The following CA10 variants were observed in gnomAD, a reference collection of about 807,000 sequenced individuals.
CA10 encodes carbonic anhydrase-related protein 10.
A neutral mutation model predicts 44.2 loss-of-function variants in CA10; 14 were observed. The observed-to-expected ratio is 0.32, with a 90% CI of 0.21 to 0.50. The LOEUF (loss-of-function observed/expected upper bound fraction) is 0.50. CA10 is among the 20% of genes least tolerant of loss of function. CA10 has a pLI of 0.99. For synonymous variants in CA10, 159 were observed against 141.6 expected, an observed-to-expected ratio of 1.12 and a Z score of -0.87; for missense variants, 350 against 409.7, an observed-to-expected ratio of 0.85 and a Z score of 1.26.
rs137856218 is a variant in CA10, at chr17:51,845,286, G to A, written c.279+85704C>T. 6.6e-5 allele frequency among the ~76,000 whole-genome samples: 10 copies of A among 152,330 alleles called. No homozygotes were observed. The East Asian group carries it at 1.5e-3, about 24-fold the overall frequency. On this transcript the variant is annotated intron_variant, in intron 3 of 8. Transcript: ENST00000451037. ...TCAAAGACTGTGATATAAAGGCACT[G>A]CGGCTTTCTCTGTGCTCACTCTCTC...
intron 2 of CA10, among the ~76,000 whole-genome samples, chr17:52,052,590 TGAG>T (rs1987108783): frequency 1.3e-5 from 2 of 152,226 alleles, no homozygotes; most frequent in East Asian, 3.9e-4. Flanking sequence ...CCAGGAATTT[TGAG>T]GAGTTTTCAG....
At chr17:51,930,811 G>T (rs746969558) in intron 3 of CA10, among the ~76,000 whole-genome samples, 179 bp downstream of exon 3, 39 of 152,074 alleles carry the variant, frequency 2.6e-4, no homozygotes, top group Non-Finnish European at 3.7e-4. Flanking sequence ...AGTTTGACTA[G>T]TTAGGGAGAA....
At chr17:52,064,703 T>C (rs1350700114) in intron 2 of CA10, among the ~76,000 whole-genome samples, 1 of 152,082 alleles carries the variant, frequency 6.6e-6, no homozygotes, top group Non-Finnish European at 1.5e-5. Context: ...GGATGGAAAA[T>C]AGCAAGCTGG....
chr17:51,721,132 C>T (rs958063624), intron 4 of CA10, among the ~76,000 whole-genome samples: 11 of 151,970 alleles, frequency 7.2e-5, no homozygotes, highest in Admixed American at 6.6e-5. Flanking sequence ...GAGTTTGAGA[C>T]CAGCCTGGCC....
chr17:52,074,036 C>T (rs1256375605), intron 1 of CA10, among the ~76,000 whole-genome samples: 3 of 152,270 alleles, frequency 2.0e-5, no homozygotes, highest in South Asian at 2.1e-4. Context: ...TCTGATTCTT[C>T]CTCTGGGTCT....
intron 4 of CA10, among the ~76,000 whole-genome samples, chr17:51,670,038 G>A (rs532301077): frequency 9.9e-5 from 15 of 152,270 alleles, no homozygotes; most frequent in African/African-American, 3.6e-4. Context: ...CCTTTCACTT[G>A]GTTCTCATGC....
intron 1 of CA10, among the ~76,000 whole-genome samples, chr17:52,101,510 C>T (rs1167639522): frequency 6.6e-6 from 1 of 152,196 alleles, no homozygotes; most frequent in Non-Finnish European, 1.5e-5. Flanking sequence ...AAGGAGCATA[C>T]AGCTTTTGGA....
intron 4 of CA10, among the ~76,000 whole-genome samples, chr17:51,729,983 AG>A (rs1249809870): frequency 1.3e-5 from 2 of 152,238 alleles, no homozygotes; most frequent in African/African-American, 4.8e-5. Context: ...AAACTGAGGC[AG>A]GGAGTGGTAA....
In CA10 at chr17:51,890,577, C is replaced by T. The variant is rs552279692; in HGVS notation, c.279+40413G>A. 1.2e-3 allele frequency among the ~76,000 whole-genome samples: 189 copies of T among 152,166 alleles called. 4 individuals carry two copies. In the South Asian group the frequency reaches 0.022, roughly 18 times the overall value. ...ATGGTGTACCTGTAGCTTTTAGTTACCACACATCTCTTTGAGAAGTAGTCA... is the reference window on the plus strand; with the variant it reads ...ATGGTGTACCTGTAGCTTTTAGTTATCACACATCTCTTTGAGAAGTAGTCA... On this transcript the variant is annotated intron_variant, in intron 3 of 8. Coordinates refer to ENST00000451037, the MANE Select transcript of CA10 (RefSeq NM_020178.5).
chr17:51,786,317 T>C (rs1906281310), intron 3 of CA10, among the ~76,000 whole-genome samples: 1 of 151,984 alleles, frequency 6.6e-6, no homozygotes, highest in South Asian at 2.1e-4. Flanking sequence ...TTTGGGAGGC[T>C]GAGGCAGGCA....
chr17:52,074,843 A>G (rs1987776365), intron 1 of CA10, among the ~76,000 whole-genome samples: 1 of 152,176 alleles, frequency 6.6e-6, no homozygotes, highest in African/African-American at 2.4e-5. Flanking sequence ...TGTACTGCAC[A>G]AGAGCTAAAA....
intron 4 of CA10, among the ~76,000 whole-genome samples, chr17:51,668,416 T>C (rs7211403): frequency 0.025 from 3,806 of 152,344 alleles, 159 homozygotes; most frequent in African/African-American, 0.086. Context: ...ATAGCCCTTC[T>C]GTGAATTAGG....
At chr17:51,634,807 C>G (rs1023508518) in intron 7 of CA10, among the ~76,000 whole-genome samples, 2 of 152,228 alleles carry the variant, frequency 1.3e-5, no homozygotes, top group African/African-American at 2.4e-5. Context: ...ACAATGGAAT[C>G]TATTTAACTT....
Position 52,157,785 on chromosome 17 carries a change from A to ATCC in CA10, c.-2_1dup (p.Lys1_?0), listed in dbSNP as rs1167414041. The ATCC allele has an allele frequency of 1.2e-6, 2 of 1,613,616 alleles. No individual in the cohort carries two copies. The highest frequency in any genetic ancestry group is 1.1e-5 in the South Asian group (1 of 91,068). ...AAAAAGCACCTCCCAGACTATTTCC[A>ATCC]TCCTCTGATTCTCATTCCAAGTGCA... On this transcript the variant is annotated start_lost and start_retained_variant, in exon 1 of 9. Transcript: ENST00000451037.
intron 2 of CA10, among the ~76,000 whole-genome samples, chr17:51,995,823 G>A (rs532239855): frequency 6.6e-6 from 1 of 151,970 alleles, no homozygotes; most frequent in South Asian, 2.1e-4. Context: ...ACCTAACTGG[G>A]CCAGCTTTTG....
At chr17:51,790,124 G>A (rs1906457476) in intron 3 of CA10, among the ~76,000 whole-genome samples, 1 of 152,174 alleles carries the variant, frequency 6.6e-6, no homozygotes, top group African/African-American at 2.4e-5. Flanking sequence ...ACCAAGTGGG[G>A]AGCCAGGACT....
At chr17:51,786,528 C>T (rs907013258) in intron 3 of CA10, among the ~76,000 whole-genome samples, 1 of 152,062 alleles carries the variant, frequency 6.6e-6, no homozygotes, top group Non-Finnish European at 1.5e-5. Flanking sequence ...CTGCAGCCTG[C>T]GTGACAGAGT....
At chr17:51,639,151 G>A (rs1272762169) in intron 6 of CA10, among the ~76,000 whole-genome samples, 2 of 152,128 alleles carry the variant, frequency 1.3e-5, no homozygotes, top group African/African-American at 4.8e-5. Flanking sequence ...CTCTGATGGT[G>A]GTTTGGCCTG....
intron 2 of CA10, among the ~76,000 whole-genome samples, chr17:52,038,665 G>A (rs539348435): frequency 1.2e-4 from 18 of 152,192 alleles, no homozygotes; most frequent in African/African-American, 4.1e-4. Context: ...ATACAATTGT[G>A]ATGAGAAGCA....
Sources: allele counts gnomAD v4.1 joint callset (sites outside exome capture counted in the v4.1 genomes callset), GRCh38; gene constraint gnomAD v4.1.1; transcripts MANE v1.5; gene names NCBI Gene and HGNC (gene_info 2026-07-23, HGNC 2026-07-21).